Variants in OPTN observed in about 807,000 individuals in gnomAD.
OPTN encodes E3-14.7K-interacting protein.
OPTN carries 54 observed loss-of-function variants against 70.4 expected under a neutral mutation model. The observed-to-expected ratio is 0.77, with a 90% CI of 0.62 to 0.96. The LOEUF is 0.96. Among genes scored for constraint, OPTN ranks in the 40% least tolerant of loss-of-function variants. The pLI is 0.00. For missense variants in OPTN, 624 were observed against 673.2 expected (o/e 0.93, Z 0.81); for synonymous variants, 256 against 248.5 (o/e 1.03, Z -0.28).
intron 11 of OPTN, among the ~76,000 whole-genome samples, chr10:13,126,869 T>A (rs1032117908): frequency 6.6e-6 from 1 of 151,962 alleles, no homozygotes; most frequent in African/African-American, 2.4e-5. Flanking sequence ...CTACAAAAAA[T>A]AAAGAGTTAA....
At chr10:13,120,665 G>A (rs1270404768) in intron 7 of OPTN, among the ~76,000 whole-genome samples, 1 of 152,032 alleles carries the variant, frequency 6.6e-6, no homozygotes, top group South Asian at 2.1e-4. Flanking sequence ...TGATATAGGA[G>A]TTCAACTTCA....
intron 4 of OPTN, among the ~76,000 whole-genome samples, chr10:13,111,308 A>G (rs1832989635): frequency 6.6e-6 from 1 of 152,232 alleles, no homozygotes; most frequent in African/African-American, 2.4e-5. Context: ...CAGCATGGCA[A>G]GGAAGGCTTT....
intron 4 of OPTN, among the ~76,000 whole-genome samples, chr10:13,112,070 C>A (rs1023282561): frequency 1.3e-5 from 2 of 150,974 alleles, no homozygotes; most frequent in African/African-American, 4.9e-5. Flanking sequence ...GGATGGTCTC[C>A]ATCTCCTGAC....
intron 5 of OPTN, 111 bp from the exon 6 acceptor site, chr10:13,116,156 T>A (rs1833202940): frequency 1.3e-6 from 1 of 772,402 alleles, no homozygotes; most frequent in African/African-American, 1.7e-5. Flanking sequence ...GTTTGGAAGC[T>A]TCCTTGGGTT....
At position 13,114,773 on chromosome 10, in the gene OPTN, TATAATTATATAATTATATA is replaced by T. The variant is rs1166152369; in HGVS notation, c.553-1491_553-1473del. On this transcript the variant is annotated intron_variant, in intron 5 of 14. Transcript: ENST00000378747. ...AATTATATAATTGCATATATAATTA[TATAATTATATAATTATATA>T]ATTATATATACATATATATAATTAT... 2.2e-3 allele frequency among the ~76,000 whole-genome samples: 229 copies of T among 103,818 alleles called. 8 individuals are homozygous for T. Among genetic ancestry groups the T allele is most frequent in the African/African-American group, 8.3e-3 (223 of 26,780 alleles). 68.1% of individuals were successfully genotyped at this position (103,818 alleles called of 152,430 possible).
At chr10:13,130,591 G>A (rs1588451922) in intron 12 of OPTN, among the ~76,000 whole-genome samples, 2 of 152,086 alleles carry the variant, frequency 1.3e-5, no homozygotes, top group South Asian at 4.2e-4. Flanking sequence ...ATGATCCACT[G>A]CCAACACTGT....
intron 5 of OPTN, among the ~76,000 whole-genome samples, chr10:13,114,901 CTG>C (rs1313190681): frequency 1.4e-5 from 1 of 69,828 alleles, no homozygotes; most frequent in African/African-American, 5.5e-5. Context: ...ACATATGTAT[CTG>C]TATTTTTTAT....
intron 7 of OPTN, among the ~76,000 whole-genome samples, chr10:13,119,981 C>CTTTTTTTTTT (rs35284693): frequency 1.7e-5 from 2 of 117,648 alleles, no homozygotes; most frequent in African/African-American, 3.1e-5. Context: ...TATTTTCTTT[C>CTTTTTTTTTT]TTTTTTTTTT....
chr10:13,131,757 C>T (rs1256480431), intron 12 of OPTN, among the ~76,000 whole-genome samples: 1 of 152,136 alleles, frequency 6.6e-6, no homozygotes, highest in Non-Finnish European at 1.5e-5. Flanking sequence ...TTAAGTTGAT[C>T]CTGAATTGTT....
At position 13,116,319 on chromosome 10, in the gene OPTN, C is replaced by T. The variant is rs199700857; in HGVS notation, c.605C>T (p.Thr202Met). Residue 202 changes from threonine to methionine, a missense_variant, in exon 6 of 15, where the codon ACG (threonine) becomes ATG (methionine). Physicochemically the swap from Thr to Met is moderately conservative, Grantham distance 81. Transcript: ENST00000378747. ...VKEIKHSPGP[T>M]RTVSTGTALS... ...GAAATCAAGCATAGTCCTGGGCCCA[C>T]GAGAACAGTCTCCACTGGCACGTAT... 3.1e-6 allele frequency: 5 copies of T among 1,613,332 alleles called. No homozygotes were observed. The highest frequency in any genetic ancestry group is 2.2e-5 in the East Asian group (1 of 44,878).
At chr10:13,132,339 C>T (rs1444579387) in intron 13 of OPTN, 142 bp downstream of exon 13, 1 of 707,452 alleles carries the variant, frequency 1.4e-6, no homozygotes, top group Admixed American at 2.8e-5. Flanking sequence ...CAGAGCGAGT[C>T]CCCTGTCTGA....
At chr10:13,126,869 TAAAG>T (rs1564365883) in intron 11 of OPTN, among the ~76,000 whole-genome samples, 1 of 151,962 alleles carries the variant, frequency 6.6e-6, no homozygotes, top group African/African-American at 2.4e-5. Context: ...CTACAAAAAA[TAAAG>T]AGTTAACCAA....
chr10:13,101,795 T>C (rs2131467325), intron 1 of OPTN, among the ~76,000 whole-genome samples: 1 of 152,298 alleles, frequency 6.6e-6, no homozygotes, highest in African/African-American at 2.4e-5. Flanking sequence ...ATTTTGAGAA[T>C]CTGGAAGTGA....
At chr10:13,106,606 G>C (rs1832870106) in intron 1 of OPTN, among the ~76,000 whole-genome samples, 1 of 152,212 alleles carries the variant, frequency 6.6e-6, no homozygotes, top group Admixed American at 6.5e-5. Context: ...TACTGTCACA[G>C]GGTGTGGTAG....
rs375775286 is a variant in OPTN at position 13,136,377 on chromosome 10, G to A, written c.1613-368G>A. Reference sequence around the variant, plus strand: ...ACAAAAATTAGCTGGGCGTGGTGGCGCGCACCTGTGATCCCAGCTACTCAG... The same window carrying A: ...ACAAAAATTAGCTGGGCGTGGTGGCACGCACCTGTGATCCCAGCTACTCAG... On this transcript the variant is annotated intron_variant, in intron 14 of 14. Coordinates refer to ENST00000378747, the MANE Select transcript of OPTN (RefSeq NM_001008212.2). Among the ~76,000 whole-genome samples the A allele has an allele frequency of 2.2e-3, 338 of 151,330 alleles. 3 individuals are homozygous for A. The highest frequency in any genetic ancestry group is 2.7e-3 in the East Asian group (14 of 5,128).
chr10:13,116,904 C>T (rs538617786), intron 6 of OPTN, among the ~76,000 whole-genome samples: 13 of 152,180 alleles, frequency 8.5e-5, no homozygotes, highest in African/African-American at 3.1e-4. Context: ...AAACAGACAT[C>T]TTAAATAGTG....
Position 13,119,238 on chromosome 10 carries a change from C to T in OPTN, c.779+198C>T, listed in dbSNP as rs546867500. Among the ~76,000 whole-genome samples the T allele has an allele frequency of 3.9e-5, 6 of 152,312 alleles. No individual in the cohort carries two copies. The South Asian group carries it at 1.2e-3, about 32-fold the overall frequency. ...CAAACAGCACTCACTGTCTGCTCCT[C>T]CAAGCAATGTGCTTTCTGTCTCTAT... On this transcript the variant is annotated intron_variant, in intron 7 of 14. Transcript: ENST00000378747.
chr10:13,107,791 T>C (rs1832900673), intron 1 of OPTN, among the ~76,000 whole-genome samples: 1 of 152,186 alleles, frequency 6.6e-6, no homozygotes, highest in Non-Finnish European at 1.5e-5. Flanking sequence ...GTGTGGGCCA[T>C]GTGTACACAG....
rs754699044 is a variant in OPTN at position 13,136,820 on chromosome 10, C to T, written c.1688C>T (p.Pro563Leu). The T allele has an allele frequency of 1.9e-6, 3 of 1,614,194 alleles. No homozygotes were observed. Among genetic ancestry groups the T allele is most frequent in the Non-Finnish European group, 2.5e-6 (3 of 1,180,032 alleles). Residue 563 changes from proline to leucine, a missense_variant, in exon 15 of 15, where the codon CCT becomes CTT. Transcript: ENST00000378747. ...TGCCCCAAGTGTGGAGAGGTTCTGC[C>T]TGACATAGACACGTTACAGATTCAC... The part of the protein sequence containing the change: ...HSCPKCGEVL[P>L]DIDTLQIHVM...
Sources: allele counts gnomAD v4.1 joint callset (sites outside exome capture counted in the v4.1 genomes callset), GRCh38; gene constraint gnomAD v4.1.1; transcripts MANE v1.5; gene names NCBI Gene and HGNC (gene_info 2026-07-23, HGNC 2026-07-21).